NDUFA13: variants seen among roughly 807,000 people sequenced by gnomAD.
NDUFA13 encodes the protein NADH dehydrogenase [ubiquinone] 1 alpha subcomplex subunit 13.
In NDUFA13, 16 loss-of-function variants were observed where a neutral mutation model predicts 17.0. The ratio of observed to expected loss-of-function variants is 0.94; its 90% CI spans 0.64 to 1.43. The LOEUF (loss-of-function observed/expected upper bound fraction) is 1.43. Ranked by LOEUF, NDUFA13 falls within the 40% of genes most tolerant of loss-of-function variation. NDUFA13 has a pLI of 0.00. For missense variants in NDUFA13, 228 were observed against 206.7 expected (o/e 1.10, Z -0.63); for synonymous variants, 87 against 78.4 (o/e 1.11, Z -0.58).
At position 19,516,263 on chromosome 19, in the gene NDUFA13, G is replaced by A. The variant is rs368582473; in HGVS notation, c.25G>A (p.Asp9Asn). The A allele has an allele frequency of 1.9e-6, 3 of 1,613,872 alleles. No homozygotes were observed. Among genetic ancestry groups the A allele is most frequent in the African/African-American group, 2.7e-5 (2 of 74,922 alleles). The change falls in exon 1 of 5, where the codon GAC becomes AAC. Residue 9 changes from aspartate to asparagine, a missense_variant. Coordinates refer to ENST00000507754, the MANE Select transcript of NDUFA13 (RefSeq NM_015965.7). ...TATGGCGGCGTCAAAGGTGAAGCAGGACATGCCTCCGCCGGGGGGCTATGG... is the reference window on the plus strand; with the variant it reads ...TATGGCGGCGTCAAAGGTGAAGCAGAACATGCCTCCGCCGGGGGGCTATGG... MAASKVKQ[D>N]MPPPGGYGPI...
chr19:19,519,768 T>G (rs2061067675), intron 1 of NDUFA13, among the ~76,000 whole-genome samples: 1 of 152,066 alleles, frequency 6.6e-6, no homozygotes, highest in Non-Finnish European at 1.5e-5. Context: ...AGGCCCTGCC[T>G]CCTCTCCCTC....
At chr19:19,518,360 G>A (rs762906668) in intron 1 of NDUFA13, among the ~76,000 whole-genome samples, 4 of 145,420 alleles carry the variant, frequency 2.8e-5, no homozygotes, top group Middle Eastern at 4.0e-3. Context: ...TCAGCCTCCC[G>A]AGTAGCTGGG....
intron 1 of NDUFA13, 61 bp downstream of exon 1, chr19:19,516,393 T>C (rs2144634363): frequency 6.4e-7 from 1 of 1,570,694 alleles, no homozygotes; most frequent in Non-Finnish European, 8.7e-7. Context: ...GGGGCGGGGT[T>C]CCGGGGACAC....
At chr19:19,527,943 G>A in intron 4 of NDUFA13, 64 bp from the exon 5 acceptor site, 2 of 1,587,014 alleles carry the variant, frequency 1.3e-6, no homozygotes, top group Non-Finnish European at 1.7e-6. Flanking sequence ...GATCCTGGGG[G>A]ATGGGTCCTA....
At chr19:19,526,294 C>A in intron 2 of NDUFA13, 34 bp downstream of exon 2, 2 of 1,610,510 alleles carry the variant, frequency 1.2e-6, no homozygotes, top group South Asian at 2.2e-5. Context: ...CTGAAAGTGC[C>A]CCCCCGGCGA....
chr19:19,517,227 A>G lies in NDUFA13; in HGVS notation c.94+895A>G, dbSNP rs192817140. Among the ~76,000 whole-genome samples the G allele has an allele frequency of 7.6e-3, 1,156 of 151,630 alleles. 15 individuals carry two copies. Among genetic ancestry groups the G allele is most frequent in the African/African-American group, 0.027 (1,113 of 41,078 alleles). ...TAGAAACTTTTAAACGTAATCTAAGAGTGAATACATACATTTCTTTTTTTT... is the reference window on the plus strand; with the variant it reads ...TAGAAACTTTTAAACGTAATCTAAGGGTGAATACATACATTTCTTTTTTTT... On this transcript the variant is annotated intron_variant, in intron 1 of 4. Coordinates refer to ENST00000507754, the MANE Select transcript of NDUFA13 (RefSeq NM_015965.7).
chr19:19,526,022 C>G (rs781173791), intron 1 of NDUFA13, 160 bp from the exon 2 acceptor site: 453 of 1,504,238 alleles, frequency 3.0e-4, no homozygotes, highest in Non-Finnish European at 3.8e-4. Context: ...TTGTACCTTT[C>G]AGAAAACCCC....
Position 19,527,406 on chromosome 19 carries a change from G to T in NDUFA13, c.245+54G>T, listed in dbSNP as rs549358454. On this transcript the variant is annotated intron_variant, in intron 3 of 4. Transcript: ENST00000507754. Reference sequence around the variant, plus strand: ...GTCACTGGCCGGAAGGCCCCAGGCTGCAGGGCCTGACCTGCATCCCCGAAG... The same window carrying T: ...GTCACTGGCCGGAAGGCCCCAGGCTTCAGGGCCTGACCTGCATCCCCGAAG... The T allele has an allele frequency of 1.7e-5, 27 of 1,596,016 alleles. No individual in the cohort carries two copies. In the South Asian group the frequency reaches 3.0e-4, roughly 18 times the overall value.
chr19:19,526,490 G>C (rs1431261228), intron 2 of NDUFA13: 2 of 588,514 alleles, frequency 3.4e-6, no homozygotes, highest in Non-Finnish European at 6.2e-6. Flanking sequence ...GGCCAAGGTG[G>C]GAGCATTGCT....
Position 19,528,061 on chromosome 19 carries a change from C to G in NDUFA13, c.370C>G (p.Leu124Val). 6.2e-7 allele frequency: 1 copy of G among 1,612,098 alleles called. No individual in the cohort carries two copies. The highest frequency in any genetic ancestry group is 1.1e-5 in the South Asian group (1 of 90,946). ...CTGGGTGCCCCCCTTGATCGGGGAG[C>G]TGTACGGGCTGCGCACCACAGAGGA... The part of the protein sequence containing the change: ...TRWVPPLIGE[L>V]YGLRTTEEAL... Residue 124 changes from leucine to valine, a missense_variant, in exon 5 of 5, where the codon CTG becomes GTG. Leu to Val is a conservative substitution (Grantham distance 32, BLOSUM62 1). Transcript: ENST00000507754.
At chr19:19,527,510 A>G in intron 3 of NDUFA13, 158 bp downstream of exon 3, 1 of 1,048,184 alleles carries the variant, frequency 9.5e-7, no homozygotes, top group Non-Finnish European at 1.4e-6. Context: ...TGGAGACCCA[A>G]GGGGGCGAAC....
intron 1 of NDUFA13, among the ~76,000 whole-genome samples, chr19:19,518,033 T>A (rs764990570): frequency 8.6e-5 from 13 of 151,332 alleles, no homozygotes; most frequent in African/African-American, 1.5e-4. Context: ...TCCCCACACT[T>A]TGGGAGGCTG....
chr19:19,516,485 C>G (rs953020546), intron 1 of NDUFA13, among the ~76,000 whole-genome samples, 153 bp downstream of exon 1: 1 of 152,236 alleles, frequency 6.6e-6, no homozygotes. Context: ...ACGCTAAGTG[C>G]TGCAGTTTGT....
At chr19:19,518,758 T>TTTTTTG (rs2061062440) in intron 1 of NDUFA13, among the ~76,000 whole-genome samples, 8 of 127,032 alleles carry the variant, frequency 6.3e-5, no homozygotes, top group Non-Finnish European at 9.4e-5. Context: ...TTTTTTTTTT[T>TTTTTTG]GAGATGGAGT....
intron 1 of NDUFA13, among the ~76,000 whole-genome samples, chr19:19,521,759 C>T (rs1311339530): frequency 2.6e-5 from 4 of 151,990 alleles, no homozygotes; most frequent in Non-Finnish European, 2.9e-5. Context: ...CCTGCCACTG[C>T]GCCCGGCTAA....
intron 3 of NDUFA13, 140 bp from the exon 4 acceptor site, chr19:19,527,561 G>T: frequency 1.1e-6 from 1 of 949,748 alleles, no homozygotes; most frequent in Non-Finnish European, 1.6e-6. Flanking sequence ...TGGGGTTGGG[G>T]CAAGAGAAAA....
chr19:19,527,559 G>T, intron 3 of NDUFA13, 142 bp from the exon 4 acceptor site: 1 of 944,050 alleles, frequency 1.1e-6, no homozygotes, highest in East Asian at 2.6e-5. Context: ...ACTGGGGTTG[G>T]GGCAAGAGAA....
intron 4 of NDUFA13, 58 bp from the exon 5 acceptor site, chr19:19,527,949 T>G: frequency 3.8e-6 from 6 of 1,595,988 alleles, no homozygotes; most frequent in Non-Finnish European, 5.1e-6. Flanking sequence ...GGGGGATGGG[T>G]CCTAGCAGGC....
rs150574805 is a variant in NDUFA13 at position 19,516,243 on chromosome 19, C to T, written c.5C>T (p.Ala2Val). ...GAAGTGTGGGATACTGCGAGTATGGCGGCGTCAAAGGTGAAGCAGGACATG... is the reference window on the plus strand; with the variant it reads ...GAAGTGTGGGATACTGCGAGTATGGTGGCGTCAAAGGTGAAGCAGGACATG... MAASKVKQDMPP... is the reference protein window; with the variant it reads MVASKVKQDMPP... The change falls in exon 1 of 5, where the codon GCG becomes GTG. Residue 2 changes from alanine to valine, a missense_variant. By Grantham distance (64) the Ala-to-Val change is moderately conservative. Transcript: ENST00000507754. 5 of 1,614,090 alleles carry T rather than the reference C, an allele frequency of 3.1e-6. No homozygotes were observed. The highest frequency in any genetic ancestry group is 1.6e-4 in the Middle Eastern group (1 of 6,062).
Sources: gnomAD v4.1 joint callset for allele counts (sites outside exome capture counted in the v4.1 genomes callset) on GRCh38, gnomAD v4.1.1 for gene constraint, MANE v1.5 for transcripts, NCBI Gene and HGNC (gene_info 2026-07-23, HGNC 2026-07-21) for gene names.